The following SDHC variants were observed in gnomAD, a reference collection of about 807,000 sequenced individuals.
SDHC encodes succinate dehydrogenase complex subunit C, also known as succinate dehydrogenase cytochrome b560 subunit, mitochondrial.
Under a neutral mutation model 22.6 loss-of-function variants are expected in SDHC, and 11 were observed. The ratio of observed to expected loss-of-function variants is 0.49; its 90% CI spans 0.31 to 0.81. The LOEUF is 0.81. SDHC is among the 30% of genes least tolerant of loss of function. The probability of loss-of-function intolerance (pLI) is 0.05; values close to 1 mark genes in which losing one functional copy is unlikely to be tolerated. For missense variants in SDHC, 160 were observed against 212.0 expected (o/e 0.75, Z 1.52); for synonymous variants, 80 against 77.8 (o/e 1.03, Z -0.15).
At chr1:161,315,645 G>A (rs903031291) in intron 1 of SDHC, among the ~76,000 whole-genome samples, 8 of 152,152 alleles carry the variant, frequency 5.3e-5, no homozygotes, top group Non-Finnish European at 8.8e-5. Context: ...TAAAAGCTGA[G>A]GATCATTATA....
chr1:161,314,441 C>G lies in SDHC; in HGVS notation c.20+16C>G. 2 of 1,610,674 alleles carry G rather than the reference C, an allele frequency of 1.2e-6. No homozygotes were observed. Among genetic ancestry groups the G allele is most frequent in the Non-Finnish European group, 1.7e-6 (2 of 1,177,824 alleles). On this transcript the variant is annotated intron_variant, in intron 1 of 5. Coordinates refer to ENST00000367975, the MANE Select transcript of SDHC (RefSeq NM_003001.5). ...TGTTGCTGAGGTGACTTCAGTGGGA[C>G]TGGGAGTTGGTGCCTGCGGCCCTCC... is the stretch of plus-strand genomic sequence containing the variant.
chr1:161,324,160 CAAG>C (rs1047240880), intron 2 of SDHC, among the ~76,000 whole-genome samples: 1 of 152,150 alleles, frequency 6.6e-6, no homozygotes, highest in Non-Finnish European at 1.5e-5. Flanking sequence ...GTTTTTGAGA[CAAG>C]CTCTCACTCT....
chr1:161,340,686 G>A, intron 4 of SDHC, 31 bp downstream of exon 4: 3 of 1,589,324 alleles, frequency 1.9e-6, no homozygotes, highest in Non-Finnish European at 2.6e-6. Flanking sequence ...ACACACATAT[G>A]TGCTTCTTTG....
chr1:161,356,991 TGC>T, intron 5 of SDHC, 151 bp downstream of exon 5: 1 of 792,404 alleles, frequency 1.3e-6, no homozygotes, highest in Non-Finnish European at 2.1e-6. Context: ...AGTGCAGTGG[TGC>T]GATCTCAGCT....
intron 3 of SDHC, among the ~76,000 whole-genome samples, chr1:161,339,743 C>A (rs573130563): frequency 8.3e-6 from 1 of 121,104 alleles, no homozygotes; most frequent in African/African-American, 3.2e-5. Flanking sequence ...TGCAATGGTG[C>A]GATCTTGGCT....
In SDHC at chr1:161,328,381, C is replaced by T. The variant is rs751344752; in HGVS notation, c.78-15C>T. 1.9e-6 allele frequency: 3 copies of T among 1,576,050 alleles called. No homozygotes were observed. The highest frequency in any genetic ancestry group is 3.3e-5 in the Admixed American group (2 of 59,954). ...TTACTTTTAGTTATTTTCAAACGGT[C>T]TGGTTTTATTTTAGTGCTGTTCCTT... On this transcript the variant is annotated splice_polypyrimidine_tract_variant and intron_variant, in intron 2 of 5. Transcript: ENST00000367975.
chr1:161,346,411 T>G lies in SDHC; in HGVS notation c.241+5756T>G, dbSNP rs556905857. 5.9e-5 allele frequency among the ~76,000 whole-genome samples: 9 copies of G among 152,204 alleles called. No individual in the cohort carries two copies. In the East Asian group the frequency reaches 1.7e-3, roughly 29 times the overall value. ...ATAATGCACTGTGATAGCTTTTTTT[T>G]TTTTCGAGACAGAGTTTCGCTTTTG... On this transcript the variant is annotated intron_variant, in intron 4 of 5. Transcript: ENST00000367975.
chr1:161,350,378 G>A (rs1041518468), intron 4 of SDHC, among the ~76,000 whole-genome samples: 1 of 152,100 alleles, frequency 6.6e-6, no homozygotes, highest in Non-Finnish European at 1.5e-5. Flanking sequence ...CTGTGTATGG[G>A]GGCAACAGTT....
At position 161,362,598 on chromosome 1, in the gene SDHC, G is replaced by C. The variant is rs149699691; in HGVS notation, c.*165G>C. ...GTAGAGTACCTGGTAGACCATAATA[G>C]TGGAAAAGGGTCTAGTTTTCCCCTT... On this transcript the variant is annotated 3_prime_UTR_variant, in exon 6 of 6. Transcript: ENST00000367975. 3.3e-5 allele frequency: 53 copies of C among 1,607,830 alleles called. No individual in the cohort carries two copies. The African/African-American group carries it at 6.8e-4, about 21-fold the overall frequency.
At chr1:161,319,126 C>T (rs944589641) in intron 1 of SDHC, among the ~76,000 whole-genome samples, 1 of 152,140 alleles carries the variant, frequency 6.6e-6, no homozygotes, top group African/African-American at 2.4e-5. Context: ...AAGGCTGAGG[C>T]AGGAGAATCG....
chr1:161,359,540 A>G (rs12730813), intron 5 of SDHC, among the ~76,000 whole-genome samples: 58,182 of 152,084 alleles, frequency 0.38, 12,515 homozygotes, highest in African/African-American at 0.59. Context: ...TTTGGCTCAG[A>G]CAGAGACTTG....
chr1:161,352,020 G>T (rs1275472121), intron 4 of SDHC, among the ~76,000 whole-genome samples: 1 of 152,128 alleles, frequency 6.6e-6, no homozygotes, highest in Admixed American at 6.6e-5. Context: ...ACTGGTCTTG[G>T]CAGTCAAGAA....
chr1:161,340,228 G>A (rs1671671875), intron 3 of SDHC, among the ~76,000 whole-genome samples: 1 of 152,110 alleles, frequency 6.6e-6, no homozygotes, highest in South Asian at 2.1e-4. Context: ...GGCAGAGGTT[G>A]GAGTGAGCTG....
intron 1 of SDHC, among the ~76,000 whole-genome samples, chr1:161,320,552 A>G (rs1024868493): frequency 6.6e-6 from 1 of 152,106 alleles, no homozygotes; most frequent in Non-Finnish European, 1.5e-5. Context: ...TTTTCCAGAA[A>G]TCAAATTTAT....
chr1:161,352,379 GTAATGA>G (rs955525527), intron 4 of SDHC, among the ~76,000 whole-genome samples: 4 of 152,030 alleles, frequency 2.6e-5, no homozygotes, highest in Non-Finnish European at 5.9e-5. Flanking sequence ...TTGGAATCTG[GTAATGA>G]TCCCAGATCT....
intron 2 of SDHC, among the ~76,000 whole-genome samples, chr1:161,327,032 C>T (rs1246453228): frequency 6.6e-6 from 1 of 152,146 alleles, no homozygotes; most frequent in African/African-American, 2.4e-5. Context: ...TCAGAAGATC[C>T]TCCCACCTCA....
At chr1:161,329,306 G>A (rs1671188141) in intron 3 of SDHC, among the ~76,000 whole-genome samples, 1 of 151,874 alleles carries the variant, frequency 6.6e-6, no homozygotes, top group Non-Finnish European at 1.5e-5. Context: ...TGATATCCAA[G>A]TATTATTCCT....
intron 4 of SDHC, among the ~76,000 whole-genome samples, chr1:161,346,356 A>G (rs1279668031): frequency 6.6e-6 from 1 of 152,140 alleles, no homozygotes; most frequent in Non-Finnish European, 1.5e-5. Flanking sequence ...TCTCAAGGAT[A>G]GAGGAATCTA....
At chr1:161,350,602 AAGAT>A (rs1420701290) in intron 4 of SDHC, among the ~76,000 whole-genome samples, 1 of 152,226 alleles carries the variant, frequency 6.6e-6, no homozygotes, top group Non-Finnish European at 1.5e-5. Context: ...AAAAAAATCA[AAGAT>A]AGCCCAAATG....
Sources: gnomAD v4.1 joint callset for allele counts (sites outside exome capture counted in the v4.1 genomes callset) on GRCh38, gnomAD v4.1.1 for gene constraint, MANE v1.5 for transcripts, NCBI Gene and HGNC (gene_info 2026-07-23, HGNC 2026-07-21) for gene names.